Variants in PDIA6 observed in about 807,000 individuals in gnomAD.
PDIA6 encodes the protein protein disulfide-isomerase A6.
A neutral mutation model predicts 58.4 loss-of-function variants in PDIA6; 29 were observed. That is an observed-to-expected ratio of 0.50 (90% CI 0.37 to 0.68). The LOEUF (loss-of-function observed/expected upper bound fraction) is 0.68, where lower values mean the gene tolerates loss of function less well. PDIA6 is among the 30% of genes least tolerant of loss of function. PDIA6 has a pLI of 0.00. For missense variants in PDIA6, 480 were observed against 551.0 expected (o/e 0.87, Z 1.29); for synonymous variants, 192 against 202.6 (o/e 0.95, Z 0.44).
intron 1 of PDIA6, among the ~76,000 whole-genome samples, chr2:10,819,731 C>G (rs976795844): frequency 1.3e-5 from 2 of 152,136 alleles, no homozygotes; most frequent in Admixed American, 1.3e-4. Flanking sequence ...CAGGTCTGAC[C>G]GTAATTCCTT....
At chr2:10,835,603 A>G (rs1354875823), upstream of PDIA6, among the ~76,000 whole-genome samples, 1 of 152,158 alleles carries the variant, frequency 6.6e-6, no homozygotes, top group Non-Finnish European at 1.5e-5. Flanking sequence ...CGATGTTTTA[A>G]TAAAAGTAAA....
intron 7 of PDIA6, among the ~76,000 whole-genome samples, chr2:10,790,257 C>T (rs576417949): frequency 1.7e-4 from 26 of 152,232 alleles, no homozygotes; most frequent in African/African-American, 6.0e-4. Flanking sequence ...CAGGTGTGAG[C>T]CACCACTCTG....
At chr2:10,810,104 A>G (rs1218295916) in intron 1 of PDIA6, 26 of 595,062 alleles carry the variant, frequency 4.4e-5, no homozygotes, top group Non-Finnish European at 1.2e-5. Flanking sequence ...ACAAAACAGT[A>G]ACACTTGCGT....
chr2:10,789,546 G>A (rs540105846), intron 8 of PDIA6, among the ~76,000 whole-genome samples: 8 of 152,240 alleles, frequency 5.3e-5, no homozygotes, highest in Admixed American at 1.3e-4. Flanking sequence ...TAAGAAGCTC[G>A]TATTTCTGTT....
chr2:10,824,654 A>T (rs566897416), intron 1 of PDIA6, among the ~76,000 whole-genome samples: 1 of 152,304 alleles, frequency 6.6e-6, no homozygotes, highest in East Asian at 1.9e-4. Context: ...ACCCCACAAG[A>T]TGAGGAAAAC....
At chr2:10,833,799 G>A (rs1667763116), upstream of PDIA6, among the ~76,000 whole-genome samples, 1 of 152,190 alleles carries the variant, frequency 6.6e-6, no homozygotes, top group Non-Finnish European at 1.5e-5. Context: ...AAGGTTAAAT[G>A]ACATCCCCAG....
At chr2:10,820,211 G>A (rs1667342450) in intron 1 of PDIA6, among the ~76,000 whole-genome samples, 1 of 152,202 alleles carries the variant, frequency 6.6e-6, no homozygotes, top group Admixed American at 6.5e-5. Flanking sequence ...TGTTATAGAA[G>A]GGGGTCCCGG....
chr2:10,819,472 G>C, intron 1 of PDIA6: 1 of 629,360 alleles, frequency 1.6e-6, no homozygotes, highest in Non-Finnish European at 2.8e-6. Flanking sequence ...AACTGCTTTT[G>C]TTAATCAACG....
chr2:10,808,336 G>A (rs1216734219), intron 1 of PDIA6, among the ~76,000 whole-genome samples: 1 of 152,242 alleles, frequency 6.6e-6, no homozygotes, highest in Admixed American at 6.5e-5. Flanking sequence ...TAGTGACAAA[G>A]AAGTCACTGG....
intron 1 of PDIA6, among the ~76,000 whole-genome samples, chr2:10,820,543 T>C (rs779908710): frequency 6.6e-6 from 1 of 152,218 alleles, no homozygotes; most frequent in South Asian, 2.1e-4. Context: ...CCTGTGTAAG[T>C]TTCTAGTTTT....
rs781003689 is a variant in PDIA6, at chr2:10,791,899, C to T, written c.480G>A (p.Lys160=). Residue 160 remains lysine, a synonymous_variant, in exon 6 of 13, where the codon AAG becomes AAA. Coordinates refer to ENST00000272227, the MANE Select transcript of PDIA6 (RefSeq NM_005742.4). The stretch of plus-strand genomic sequence containing the variant: ...TGTCGTCTGTCAGCTCAATCACATC[C>T]TTCTTACTTGAACTATCACTTCTGC... The part of the protein sequence containing the change: ...KQGRSDSSSK[K]DVIELTDDSF... 1.2e-5 allele frequency: 19 copies of T among 1,614,088 alleles called. No homozygotes were observed. Among genetic ancestry groups the T allele is most frequent in the Non-Finnish European group, 1.6e-5 (19 of 1,179,982 alleles).
chr2:10,788,648 T>C (rs1558439074), intron 10 of PDIA6, 49 bp downstream of exon 10: 2 of 1,223,434 alleles, frequency 1.6e-6, no homozygotes, highest in Admixed American at 3.4e-5. Flanking sequence ...CAAGAAAGCC[T>C]ATAATCAGCT....
At chr2:10,799,016 G>C (rs943789783) in intron 2 of PDIA6, among the ~76,000 whole-genome samples, 4 of 148,104 alleles carry the variant, frequency 2.7e-5, no homozygotes, top group Non-Finnish European at 6.0e-5. Context: ...ACTGAGGTGG[G>C]GGGAGGCAGG....
upstream of PDIA6, among the ~76,000 whole-genome samples, chr2:10,814,488 C>T (rs116482665): frequency 6.6e-6 from 1 of 152,338 alleles, no homozygotes. Flanking sequence ...CCTGTTCCTC[C>T]AGGCCTGTCT....
At chr2:10,797,427 T>C (rs921775117) in intron 3 of PDIA6, among the ~76,000 whole-genome samples, 17 of 152,186 alleles carry the variant, frequency 1.1e-4, no homozygotes, top group African/African-American at 4.1e-4. Context: ...GCTCACAGAA[T>C]TGGCAGGGCT....
intron 1 of PDIA6, chr2:10,820,883 C>T (rs1206240291): frequency 1.4e-6 from 1 of 702,828 alleles, no homozygotes; most frequent in South Asian, 1.5e-5. Context: ...GGGGTATCTT[C>T]TCTCCTCTGG....
intron 1 of PDIA6, among the ~76,000 whole-genome samples, chr2:10,826,584 C>T (rs1472929806): frequency 6.6e-6 from 1 of 151,962 alleles, no homozygotes; most frequent in Non-Finnish European, 1.5e-5. Flanking sequence ...GGTCTCAAAC[C>T]CCTGACCTCA....
chr2:10,788,582 ACATATAGCAGAGC>A, intron 10 of PDIA6, 102 bp downstream of exon 10: 9 of 749,750 alleles, frequency 1.2e-5, no homozygotes, highest in Admixed American at 2.3e-5. Flanking sequence ...AAAAAAAAAA[ACATATAGCAGAGC>A]AAACATAGAA....
intron 1 of PDIA6, among the ~76,000 whole-genome samples, chr2:10,827,644 T>C (rs971120235): frequency 1.3e-5 from 2 of 151,842 alleles, no homozygotes; most frequent in African/African-American, 4.8e-5. Context: ...GCCAACATGG[T>C]GAAACCTCGT....
Sources: allele counts gnomAD v4.1 joint callset (sites outside exome capture counted in the v4.1 genomes callset), GRCh38; gene constraint gnomAD v4.1.1; transcripts MANE v1.5; gene names NCBI Gene and HGNC (gene_info 2026-07-23, HGNC 2026-07-21).